Variants in ADAM2 observed in about 807,000 individuals in gnomAD.
ADAM2 encodes disintegrin and metalloproteinase domain-containing protein 2.
ADAM2 carries 101 observed loss-of-function variants against 99.3 expected under a neutral mutation model. The observed-to-expected ratio is 1.02, with a 90% CI of 0.87 to 1.20. ADAM2 has a LOEUF of 1.20. Ranked by LOEUF, ADAM2 falls within the 50% of genes most tolerant of loss-of-function variation. ADAM2 has a pLI of 0.00. For synonymous variants in ADAM2, 323 were observed against 287.6 expected, an observed-to-expected ratio of 1.12 and a Z score of -1.25; for missense variants, 948 against 878.7, an observed-to-expected ratio of 1.08 and a Z score of -1.00.
At chr8:39,756,665 T>C (rs1802162484) in intron 15 of ADAM2, among the ~76,000 whole-genome samples, 1 of 152,210 alleles carries the variant, frequency 6.6e-6, no homozygotes, top group Non-Finnish European at 1.5e-5. Context: ...AGCAATTTTC[T>C]ATGGCCTGAA....
intron 10 of ADAM2, among the ~76,000 whole-genome samples, chr8:39,779,883 A>G (rs1803147959): frequency 6.6e-6 from 1 of 152,134 alleles, no homozygotes; most frequent in Admixed American, 6.5e-5. Flanking sequence ...ATGTATCAAC[A>G]TTCTATCTAT....
At chr8:39,800,544 T>G (rs1804162046) in intron 7 of ADAM2, among the ~76,000 whole-genome samples, 1 of 152,212 alleles carries the variant, frequency 6.6e-6, no homozygotes, top group East Asian at 1.9e-4. Context: ...CAGTGTTCTC[T>G]GTATTTCCTG....
intron 7 of ADAM2, among the ~76,000 whole-genome samples, chr8:39,789,549 T>C (rs1803616369): frequency 6.6e-6 from 1 of 151,804 alleles, no homozygotes; most frequent in African/African-American, 2.4e-5. Flanking sequence ...CAAAACTAAC[T>C]ATAAACTACA....
intron 12 of ADAM2, among the ~76,000 whole-genome samples, chr8:39,767,684 T>C (rs1802624758): frequency 6.6e-6 from 1 of 152,190 alleles, no homozygotes; most frequent in Non-Finnish European, 1.5e-5. Context: ...TGGTATATTG[T>C]TGATTTATTT....
intron 7 of ADAM2, among the ~76,000 whole-genome samples, chr8:39,797,100 A>ATT (rs1445380189): frequency 6.6e-6 from 1 of 151,904 alleles, no homozygotes; most frequent in Non-Finnish European, 1.5e-5. Flanking sequence ...TGCTTTTGGT[A>ATT]TTTTTGTCAA....
At chr8:39,800,758 C>T (rs1379289899) in intron 7 of ADAM2, among the ~76,000 whole-genome samples, 1 of 152,004 alleles carries the variant, frequency 6.6e-6, no homozygotes, top group Non-Finnish European at 1.5e-5. Context: ...GTCTGGATGT[C>T]TTGTTTCAGT....
At chr8:39,835,573 C>T (rs958775185) in intron 2 of ADAM2, among the ~76,000 whole-genome samples, 13 of 151,828 alleles carry the variant, frequency 8.6e-5, no homozygotes, top group Non-Finnish European at 1.6e-4. Context: ...GTCCCAGCTA[C>T]TCAGGAGGCT....
At chr8:39,767,394 T>A (rs1398485456) in intron 12 of ADAM2, 143 bp from the exon 13 acceptor site, 1 of 714,628 alleles carries the variant, frequency 1.4e-6, no homozygotes, top group African/African-American at 1.8e-5. Context: ...AAACCACTTA[T>A]TCATTTACTT....
chr8:39,768,916 T>C (rs997820410), intron 12 of ADAM2, among the ~76,000 whole-genome samples: 1 of 152,180 alleles, frequency 6.6e-6, no homozygotes, highest in Admixed American at 6.5e-5. Flanking sequence ...GTTAACAATA[T>C]TGTATCATAT....
At chr8:39,802,878 G>T (rs1804277117) in intron 7 of ADAM2, among the ~76,000 whole-genome samples, 1 of 152,104 alleles carries the variant, frequency 6.6e-6, no homozygotes, top group Non-Finnish European at 1.5e-5. Flanking sequence ...TGTTATTTTA[G>T]TTGATTTGGC....
At chr8:39,809,886 A>G (rs1281934631) in intron 6 of ADAM2, among the ~76,000 whole-genome samples, 1 of 152,238 alleles carries the variant, frequency 6.6e-6, no homozygotes, top group East Asian at 1.9e-4. Context: ...AACGAGCAAA[A>G]TAACCAGCTA....
intron 10 of ADAM2, among the ~76,000 whole-genome samples, chr8:39,777,607 T>G (rs1371518632): frequency 6.6e-6 from 1 of 151,982 alleles, no homozygotes; most frequent in African/African-American, 2.4e-5. Flanking sequence ...TAGAATAAGG[T>G]CTAGTATTTC....
In ADAM2 at chr8:39,837,307, T is replaced by C. The variant is rs1428666621; in HGVS notation, c.56-95A>G. The stretch of plus-strand genomic sequence containing the variant: ...ATCTAAATCTCTAATCTCTATTCTA[T>C]ACGCTGCTTCTCATTTTTATTATCT... On this transcript the variant is annotated intron_variant, in intron 1 of 20. Transcript: ENST00000265708. 4 of 700,628 alleles carry C rather than the reference T, an allele frequency of 5.7e-6. No individual in the cohort carries two copies. The African/African-American group carries it at 7.4e-5, about 13-fold the overall frequency. 43.4% of individuals were successfully genotyped at this position (700,628 alleles called of 1,614,324 possible).
intron 9 of ADAM2, 121 bp from the exon 10 acceptor site, chr8:39,787,176 G>A (rs988293975): frequency 2.1e-6 from 1 of 486,628 alleles, no homozygotes; most frequent in African/African-American, 2.0e-5. Context: ...ATGTAACATA[G>A]CATAAGATGT....
In ADAM2 at chr8:39,838,161, T is replaced by C. The variant is rs1478705635; in HGVS notation, c.25A>G (p.Ser9Gly). 1.9e-6 allele frequency: 3 copies of C among 1,613,996 alleles called. No individual in the cohort carries two copies. The highest frequency in any genetic ancestry group is 1.7e-5 in the Admixed American group (1 of 59,998). Residue 9 changes from serine (S) to glycine (G), a missense_variant, in exon 1 of 21, where the codon AGC (serine) becomes GGC (glycine). Ser to Gly is a moderately conservative substitution (Grantham distance 56, BLOSUM62 0). Coordinates refer to ENST00000265708, the MANE Select transcript of ADAM2 (RefSeq NM_001464.5). ...TCCATCCGCAGCCCGCCGAGCCCGC[T>C]GAGCAGAAACAAGACGCGCCACATG... Reference protein sequence around the residue: MWRVLFLLSGLGGLRMDSN... With the variant: MWRVLFLLGGLGGLRMDSN...
chr8:39,753,469 T>C (rs542958191), intron 16 of ADAM2, among the ~76,000 whole-genome samples: 10 of 151,666 alleles, frequency 6.6e-5, no homozygotes, highest in Admixed American at 2.6e-4. Context: ...TTAAGTCTGC[T>C]GCAGAAATTT....
chr8:39,815,430 A>T (rs1403239069), intron 6 of ADAM2, among the ~76,000 whole-genome samples: 1 of 152,190 alleles, frequency 6.6e-6, no homozygotes, highest in Non-Finnish European at 1.5e-5. Flanking sequence ...TAGGAATTAA[A>T]TTTTTATGTT....
chr8:39,765,075 G>A (rs898272278), intron 14 of ADAM2, among the ~76,000 whole-genome samples: 44 of 150,608 alleles, frequency 2.9e-4, no homozygotes, highest in African/African-American at 1.0e-3. Flanking sequence ...ATAAATAGCT[G>A]CACACATACC....
Position 39,749,754 on chromosome 8 carries a change from AT to A in ADAM2, c.1798-11del. 6.2e-7 allele frequency: 1 copy of A among 1,609,004 alleles called. No individual in the cohort carries two copies. The highest frequency in any genetic ancestry group is 1.1e-5 in the South Asian group (1 of 90,428). On this transcript the variant is annotated splice_polypyrimidine_tract_variant and intron_variant, in intron 16 of 20. Coordinates refer to ENST00000265708, the MANE Select transcript of ADAM2 (RefSeq NM_001464.5). Reference sequence around the variant, plus strand: ...TTTGATTCCTGCAAACCTAAAAAGGATGAGCAAAAATAAGTTAATTGACATG... The same window carrying A: ...TTTGATTCCTGCAAACCTAAAAAGGAGAGCAAAAATAAGTTAATTGACATG...
Sources: gnomAD v4.1 joint callset for allele counts (sites outside exome capture counted in the v4.1 genomes callset) on GRCh38, gnomAD v4.1.1 for gene constraint, MANE v1.5 for transcripts, NCBI Gene and HGNC (gene_info 2026-07-23, HGNC 2026-07-21) for gene names.